Variants in MACROD2 observed in about 807,000 individuals in gnomAD.
MACROD2 encodes the protein ADP-ribose glycohydrolase MACROD2.
A neutral mutation model predicts 70.4 loss-of-function variants in MACROD2; 36 were observed. That is an observed-to-expected ratio of 0.51 (90% confidence interval 0.39 to 0.68). The LOEUF (loss-of-function observed/expected upper bound fraction) is 0.68, where lower values mean the gene tolerates loss of function less well. Ranked by LOEUF, MACROD2 falls within the 30% of genes least tolerant of loss-of-function variation. The pLI, the probability that MACROD2 is intolerant of heterozygous loss-of-function variation, is 0.00. For synonymous variants in MACROD2, 172 were observed against 178.8 expected (o/e 0.96, Z 0.30); for missense variants, 496 against 538.4 (o/e 0.92, Z 0.78).
chr20:14,468,215 A>T lies in MACROD2; in HGVS notation c.272-25264A>T, dbSNP rs138011805. Among the ~76,000 whole-genome samples the T allele has an allele frequency of 8.0e-4, 122 of 151,930 alleles. 1 individual carries two copies. The highest frequency in any genetic ancestry group is 3.4e-3 in the Middle Eastern group (1 of 294). On this transcript the variant is annotated intron_variant, in intron 3 of 17. Coordinates refer to ENST00000684519, the MANE Select transcript of MACROD2 (RefSeq NM_001351661.2). ...GTCTAATATTGACAGTGGGGTGTTA[A>T]ATTCATCCACTATTATTGTGTGGGA...
intron 5 of MACROD2, among the ~76,000 whole-genome samples, chr20:14,983,853 A>G (rs1418331532): frequency 6.6e-6 from 1 of 152,214 alleles, no homozygotes; most frequent in Non-Finnish European, 1.5e-5. Context: ...TACTGGTAAT[A>G]TGAATGGTAG....
intron 5 of MACROD2, among the ~76,000 whole-genome samples, chr20:14,899,972 G>T (rs1205102614): frequency 6.6e-6 from 1 of 152,024 alleles, no homozygotes; most frequent in Non-Finnish European, 1.5e-5. Context: ...GTTTGAAGAG[G>T]TTCTCTTCTA....
At chr20:14,994,297 G>T (rs1337443459) in intron 5 of MACROD2, among the ~76,000 whole-genome samples, 2 of 151,898 alleles carry the variant, frequency 1.3e-5, no homozygotes, top group Admixed American at 6.6e-5. Context: ...AGCAGAAAAG[G>T]GATGCCCAAC....
intron 5 of MACROD2, among the ~76,000 whole-genome samples, chr20:14,918,549 A>C (rs2074121071): frequency 6.6e-6 from 1 of 151,944 alleles, no homozygotes; most frequent in South Asian, 2.1e-4. Flanking sequence ...TTATTTAGTA[A>C]ATGTATTCCT....
chr20:14,213,361 CAAAAAAAAAAAAA>C (rs60009822), intron 3 of MACROD2, among the ~76,000 whole-genome samples: 1 of 30,262 alleles, frequency 3.3e-5, no homozygotes, highest in Non-Finnish European at 5.4e-5. Flanking sequence ...CTTCTAGTGG[CAAAAAAAAAAAAA>C]AAAAAAAAAA....
intron 8 of MACROD2, among the ~76,000 whole-genome samples, chr20:15,730,679 G>A (rs909974985): frequency 4.0e-5 from 6 of 151,526 alleles, no homozygotes; most frequent in Non-Finnish European, 5.9e-5. Flanking sequence ...TAGTTCTCTC[G>A]TACCGTATCT....
intron 5 of MACROD2, among the ~76,000 whole-genome samples, chr20:15,177,324 C>T (rs868422525): frequency 3.9e-5 from 6 of 152,220 alleles, no homozygotes; most frequent in African/African-American, 1.2e-4. Flanking sequence ...AGGTTGAATA[C>T]GCACTGGTCC....
At chr20:14,579,429 C>A (rs866710892) in intron 4 of MACROD2, among the ~76,000 whole-genome samples, 5 of 152,286 alleles carry the variant, frequency 3.3e-5, no homozygotes, top group African/African-American at 1.2e-4. Context: ...GCGTGAGCCA[C>A]CGCGCCCGGC....
At chr20:16,045,912 G>T (rs188279742) in intron 17 of MACROD2, among the ~76,000 whole-genome samples, 3 of 152,026 alleles carry the variant, frequency 2.0e-5, no homozygotes, top group African/African-American at 2.4e-5. Context: ...TACCCTGAGG[G>T]CTGATGAGAA....
At chr20:14,491,450 T>C (rs1019772303) in intron 3 of MACROD2, among the ~76,000 whole-genome samples, 6 of 152,214 alleles carry the variant, frequency 3.9e-5, no homozygotes, top group African/African-American at 1.4e-4. Context: ...TTAAAAGTGA[T>C]TGTGTACTAT....
intron 6 of MACROD2, among the ~76,000 whole-genome samples, chr20:15,269,781 T>C (rs1460602680): frequency 6.6e-6 from 1 of 152,188 alleles, no homozygotes; most frequent in Non-Finnish European, 1.5e-5. Context: ...CTTCTCAATA[T>C]TTTTTGTTTT....
intron 3 of MACROD2, among the ~76,000 whole-genome samples, chr20:14,138,763 C>CACACA (rs2054832616): frequency 2.7e-5 from 4 of 147,034 alleles, no homozygotes; most frequent in Non-Finnish European, 4.5e-5. Context: ...CTTAAGTTTT[C>CACACA]CACACACACA....
At chr20:14,060,693 T>C (rs2053681814) in intron 2 of MACROD2, among the ~76,000 whole-genome samples, 1 of 152,180 alleles carries the variant, frequency 6.6e-6, no homozygotes, top group South Asian at 2.1e-4. Context: ...ACTTATGCTA[T>C]TATGTTATTT....
intron 5 of MACROD2, among the ~76,000 whole-genome samples, chr20:14,692,604 T>C (rs2071077259): frequency 6.6e-6 from 1 of 152,304 alleles, no homozygotes; most frequent in South Asian, 2.1e-4. Context: ...GTCTTTGTCA[T>C]AATCATAGCT....
Position 15,092,430 on chromosome 20 carries a change from A to C in MACROD2, c.419-137510A>C, listed in dbSNP as rs548750867. Among the ~76,000 whole-genome samples the C allele has an allele frequency of 9.4e-5, 14 of 148,524 alleles. No individual in the cohort carries two copies. The East Asian group carries it at 2.3e-3, about 25-fold the overall frequency. ...AATTAAATATTTTCATTATAATTAA[A>C]ATTTATATATTTATAACATTTTAAA... On this transcript the variant is annotated intron_variant, in intron 5 of 17. Coordinates refer to ENST00000684519, the MANE Select transcript of MACROD2 (RefSeq NM_001351661.2).
chr20:15,284,341 T>C (rs1438211398), intron 6 of MACROD2, among the ~76,000 whole-genome samples: 2 of 152,234 alleles, frequency 1.3e-5, no homozygotes, highest in East Asian at 3.9e-4. Flanking sequence ...CAGCTCATTG[T>C]ATTCCTGTAT....
chr20:15,353,122 C>T (rs576670530), intron 6 of MACROD2, among the ~76,000 whole-genome samples: 2 of 151,594 alleles, frequency 1.3e-5, no homozygotes, highest in East Asian at 3.9e-4. Context: ...GCTACAGTAA[C>T]CAAAACAGCA....
intron 4 of MACROD2, among the ~76,000 whole-genome samples, chr20:14,590,898 A>G (rs1246194681): frequency 6.6e-6 from 1 of 152,152 alleles, no homozygotes; most frequent in East Asian, 1.9e-4. Context: ...GTATTACTCA[A>G]TATATTAAGT....
At chr20:15,639,679 T>C (rs1299246347) in intron 8 of MACROD2, among the ~76,000 whole-genome samples, 2 of 152,160 alleles carry the variant, frequency 1.3e-5, no homozygotes, top group African/African-American at 4.8e-5. Context: ...TGGGTATCTC[T>C]CCATCAGCAG....
Sources: gnomAD v4.1 joint callset for allele counts (sites outside exome capture counted in the v4.1 genomes callset) on GRCh38, gnomAD v4.1.1 for gene constraint, MANE v1.5 for transcripts, NCBI Gene and HGNC (gene_info 2026-07-23, HGNC 2026-07-21) for gene names.